GPM6A: variants seen among roughly 807,000 people sequenced by gnomAD.
GPM6A encodes the protein glycoprotein M6A.
A neutral mutation model predicts 32.1 loss-of-function variants in GPM6A; 7 were observed. The ratio of observed to expected loss-of-function variants is 0.22; its 90% CI spans 0.12 to 0.41. The LOEUF is 0.41. Among genes scored for constraint, GPM6A ranks in the 10% least tolerant of loss-of-function variants. GPM6A has a pLI of 1.00. For missense variants in GPM6A, 235 were observed against 347.2 expected (o/e 0.68, Z 2.57); for synonymous variants, 130 against 123.4 (o/e 1.05, Z -0.35).
chr4:175,926,092 T>C (rs1391515089), intron 1 of GPM6A, among the ~76,000 whole-genome samples: 1 of 152,180 alleles, frequency 6.6e-6, no homozygotes, highest in Non-Finnish European at 1.5e-5. Flanking sequence ...CTTCAAATGA[T>C]CTGCCCGCCT....
At chr4:175,731,815 C>G (rs1243802736) in intron 1 of GPM6A, among the ~76,000 whole-genome samples, 1 of 152,160 alleles carries the variant, frequency 6.6e-6, no homozygotes, top group Non-Finnish European at 1.5e-5. Flanking sequence ...CTGACCTTAT[C>G]TTTGCTGAGC....
At chr4:175,723,952 C>G (rs1579428669) in intron 1 of GPM6A, among the ~76,000 whole-genome samples, 2 of 152,246 alleles carry the variant, frequency 1.3e-5, no homozygotes, top group African/African-American at 4.8e-5. Flanking sequence ...ATCCAGCAAT[C>G]TCACTACTGG....
At chr4:175,666,878 C>A (rs1029362489) in intron 3 of GPM6A, among the ~76,000 whole-genome samples, 5 of 152,152 alleles carry the variant, frequency 3.3e-5, no homozygotes, top group East Asian at 1.9e-4. Context: ...GAGATTAATT[C>A]CTGGCTTTAT....
chr4:175,668,691 C>T (rs559298263), intron 3 of GPM6A, among the ~76,000 whole-genome samples: 9 of 152,264 alleles, frequency 5.9e-5, no homozygotes, highest in Non-Finnish European at 7.3e-5. Context: ...AGTTCTCTCA[C>T]ATCCTGCAGA....
intron 1 of GPM6A, among the ~76,000 whole-genome samples, chr4:175,809,773 C>T (rs1043531673): frequency 5.9e-5 from 9 of 152,104 alleles, no homozygotes; most frequent in Non-Finnish European, 7.4e-5. Context: ...TTTCTTAAGA[C>T]GGATGATCTT....
chr4:175,667,333 A>G (rs952814153), intron 3 of GPM6A, among the ~76,000 whole-genome samples: 1 of 152,188 alleles, frequency 6.6e-6, no homozygotes, highest in Non-Finnish European at 1.5e-5. Flanking sequence ...TAATCATGAG[A>G]AAAACATCAA....
At position 175,833,581 on chromosome 4, in the gene GPM6A, A is replaced by C. The variant is rs1422583202; in HGVS notation, c.-22-21332T>G. ...CAAATAAATATTTTTGGTGAAGTCT[A>C]ATTCAGCTTCGTGTTGTTCCCAGTA... On this transcript the variant is annotated intron_variant, in intron 1 of 7. Coordinates refer to the GPM6A transcript ENST00000280187. Among the ~76,000 whole-genome samples, 4 of 152,200 alleles carry C rather than the reference A, an allele frequency of 2.6e-5. No individual in the cohort carries two copies. In the East Asian group the frequency reaches 7.7e-4, roughly 29 times the overall value.
chr4:175,647,460 T>C (rs901151443), intron 4 of GPM6A, among the ~76,000 whole-genome samples: 25 of 152,206 alleles, frequency 1.6e-4, no homozygotes, highest in Admixed American at 1.2e-3. Flanking sequence ...AATCCTAATA[T>C]GATATGCTAT....
chr4:175,791,713 G>A (rs555400152), intron 1 of GPM6A, among the ~76,000 whole-genome samples: 1 of 152,086 alleles, frequency 6.6e-6, no homozygotes, highest in East Asian at 1.9e-4. Flanking sequence ...ACATACAGAA[G>A]CAATATTTAT....
chr4:175,917,073 G>A (rs992046811), intron 1 of GPM6A, among the ~76,000 whole-genome samples: 2 of 152,072 alleles, frequency 1.3e-5, no homozygotes, highest in East Asian at 1.9e-4. Context: ...CTGCTGATGC[G>A]ATTAAGTCCT....
intron 1 of GPM6A, among the ~76,000 whole-genome samples, chr4:175,982,232 C>CA (rs1170581760): frequency 6.6e-6 from 1 of 152,028 alleles, no homozygotes; most frequent in Admixed American, 6.6e-5. Context: ...AAATAAGACA[C>CA]AAAATAAGTG....
intron 1 of GPM6A, among the ~76,000 whole-genome samples, chr4:175,895,787 G>A (rs1214380575): frequency 1.3e-5 from 2 of 152,170 alleles, no homozygotes; most frequent in East Asian, 3.9e-4. Flanking sequence ...TGTATATGAT[G>A]TATGGGTATA....
intron 1 of GPM6A, among the ~76,000 whole-genome samples, chr4:175,850,477 CAG>C (rs1403230766): frequency 2.6e-5 from 4 of 151,676 alleles, no homozygotes; most frequent in Admixed American, 6.6e-5. Context: ...AGACCACAAA[CAG>C]GGGTGGGGTG....
chr4:175,883,484 T>C (rs1479087635), intron 1 of GPM6A, among the ~76,000 whole-genome samples: 1 of 152,160 alleles, frequency 6.6e-6, no homozygotes, highest in Admixed American at 6.5e-5. Flanking sequence ...AAGCATTTTA[T>C]ACTTATAGCA....
At chr4:175,935,179 G>A (rs1395294208) in intron 1 of GPM6A, among the ~76,000 whole-genome samples, 1 of 152,156 alleles carries the variant, frequency 6.6e-6, no homozygotes, top group African/African-American at 2.4e-5. Context: ...AAAACCTGAT[G>A]TTTGGACAGT....
intron 2 of GPM6A, among the ~76,000 whole-genome samples, chr4:175,682,972 AGTG>A (rs1743771449): frequency 6.6e-6 from 1 of 152,182 alleles, no homozygotes; most frequent in Admixed American, 6.5e-5. Flanking sequence ...AACTGTGAGA[AGTG>A]GGTCACTGAT....
chr4:175,705,506 A>T (rs1377752142), intron 1 of GPM6A, among the ~76,000 whole-genome samples: 3 of 152,022 alleles, frequency 2.0e-5, no homozygotes, highest in Non-Finnish European at 4.4e-5. Context: ...TTAAAAGAAG[A>T]CTCTCAGAAC....
chr4:175,959,287 C>T (rs1476933819), intron 1 of GPM6A, among the ~76,000 whole-genome samples: 1 of 152,114 alleles, frequency 6.6e-6, no homozygotes, highest in African/African-American at 2.4e-5. Flanking sequence ...TTCTGCACAG[C>T]TTAACGTTAT....
At chr4:175,734,162 T>TATATA (rs1560903510) in intron 1 of GPM6A, among the ~76,000 whole-genome samples, 1 of 133,598 alleles carries the variant, frequency 7.5e-6, no homozygotes, top group Non-Finnish European at 1.7e-5. Context: ...ATATATATAT[T>TATATA]TTTTAATTTC....
Sources: gnomAD v4.1 joint callset for allele counts (sites outside exome capture counted in the v4.1 genomes callset) on GRCh38, gnomAD v4.1.1 for gene constraint, MANE v1.5 for transcripts, NCBI Gene and HGNC (gene_info 2026-07-23, HGNC 2026-07-21) for gene names.